Variants in BCAS3 observed in about 807,000 individuals in gnomAD.
The protein encoded by BCAS3 is BCAS4/BCAS3 fusion.
BCAS3 carries 53 observed loss-of-function variants against 116.1 expected under a neutral mutation model. That is an observed-to-expected ratio of 0.46 (90% CI 0.37 to 0.57). The LOEUF (loss-of-function observed/expected upper bound fraction) is 0.57. BCAS3 is among the 20% of genes least tolerant of loss of function. The pLI is 0.00. For synonymous variants in BCAS3, 391 were observed against 408.2 expected (o/e 0.96, Z 0.51); for missense variants, 917 against 1,165.4 (o/e 0.79, Z 3.10).
At chr17:61,201,494 A>G (rs941115089) in intron 22 of BCAS3, among the ~76,000 whole-genome samples, 1 of 152,190 alleles carries the variant, frequency 6.6e-6, no homozygotes, top group African/African-American at 2.4e-5. Context: ...AGTTTGAGTC[A>G]TGTTCATTTA....
At chr17:60,715,149 T>A (rs985407399) in intron 5 of BCAS3, among the ~76,000 whole-genome samples, 1 of 150,560 alleles carries the variant, frequency 6.6e-6, no homozygotes, top group Non-Finnish European at 1.5e-5. Context: ...TTTTTTTTTT[T>A]TTGAGACAGA....
chr17:60,976,748 G>A (rs893611885), intron 14 of BCAS3, among the ~76,000 whole-genome samples: 5 of 152,104 alleles, frequency 3.3e-5, no homozygotes, highest in Non-Finnish European at 7.4e-5. Context: ...GAGAGCACGG[G>A]GTTGGGGGTA....
At chr17:60,729,717 C>CT (rs2040270563) in intron 5 of BCAS3, among the ~76,000 whole-genome samples, 1 of 152,154 alleles carries the variant, frequency 6.6e-6, no homozygotes, top group African/African-American at 2.4e-5. Context: ...CAAATTCAGT[C>CT]TTTTAAAAGT....
intron 7 of BCAS3, chr17:60,810,564 C>T (rs1256355289): frequency 4.7e-6 from 4 of 859,080 alleles, no homozygotes; most frequent in South Asian, 2.6e-5. Context: ...TCAAGACCAT[C>T]GAGGACCTGA....
chr17:60,738,510 A>T (rs1654388610), intron 5 of BCAS3, among the ~76,000 whole-genome samples: 1 of 152,126 alleles, frequency 6.6e-6, no homozygotes, highest in Admixed American at 6.5e-5. Context: ...TGAAGTTAAT[A>T]CAGCTGTGGT....
At chr17:60,834,927 C>A (rs929363783) in intron 7 of BCAS3, among the ~76,000 whole-genome samples, 2 of 151,804 alleles carry the variant, frequency 1.3e-5, no homozygotes, top group African/African-American at 4.8e-5. Context: ...TCAAAAGTTC[C>A]TTATAATAGT....
chr17:61,288,454 C>G (rs1454382661), intron 22 of BCAS3, among the ~76,000 whole-genome samples: 2 of 152,210 alleles, frequency 1.3e-5, no homozygotes, highest in Admixed American at 6.5e-5. Context: ...CCAGAGCCAT[C>G]TCTGCTATAG....
chr17:61,107,740 T>G (rs1248471076), intron 22 of BCAS3, among the ~76,000 whole-genome samples: 1 of 152,202 alleles, frequency 6.6e-6, no homozygotes, highest in Non-Finnish European at 1.5e-5. Context: ...TGTCGCACAG[T>G]TTAGTTAACT....
chr17:61,370,932 A>G (rs1392636003), intron 23 of BCAS3, among the ~76,000 whole-genome samples: 2 of 152,342 alleles, frequency 1.3e-5, no homozygotes, highest in Non-Finnish European at 2.9e-5. Flanking sequence ...CTCTTTGCCT[A>G]TAGCAACATC....
At position 61,021,777 on chromosome 17, in the gene BCAS3, A is replaced by G. The variant is rs537028131; in HGVS notation, c.1637+5876A>G. Among the ~76,000 whole-genome samples, 1 of 152,364 alleles carries G rather than the reference A, an allele frequency of 6.6e-6. No homozygotes were observed. The highest frequency in any genetic ancestry group is 1.9e-4 in the East Asian group (1 of 5,186). On this transcript the variant is annotated intron_variant, in intron 16 of 23. Coordinates refer to ENST00000407086, the MANE Select transcript of BCAS3 (RefSeq NM_017679.5). This position sits in a 1 kb window ranked among gnomAD's most constrained non-coding sequence, Gnocchi z 4.6. ...TTGATATTTGTAGACCAAATCTACC[A>G]TCAGACTTGGCTATGTGAGTAAATG...
chr17:60,984,663 A>C (rs2063012622), intron 14 of BCAS3, among the ~76,000 whole-genome samples: 1 of 152,076 alleles, frequency 6.6e-6, no homozygotes, highest in African/African-American at 2.4e-5. Flanking sequence ...TATTTAAAAA[A>C]ATTTTTTGTG....
chr17:61,131,683 G>T lies in BCAS3; in HGVS notation c.2425+47119G>T, dbSNP rs2076351502. ...TGCACTTCTCTGTTTTTCTTTCCCT[G>T]AGAGTGCTGATTAGTGACTTGCGGT... On this transcript the variant is annotated intron_variant, in intron 22 of 23. Coordinates refer to ENST00000407086, the MANE Select transcript of BCAS3 (RefSeq NM_017679.5). The surrounding 1 kb of genome is among the most constrained non-coding windows in gnomAD (Gnocchi z 4.4). Among the ~76,000 whole-genome samples the T allele has an allele frequency of 6.6e-6, 1 of 152,138 alleles. No homozygotes were observed. Among genetic ancestry groups the T allele is most frequent in the East Asian group, 1.9e-4 (1 of 5,178 alleles).
At chr17:60,759,802 G>A (rs1444625233) in intron 6 of BCAS3, among the ~76,000 whole-genome samples, 1 of 151,962 alleles carries the variant, frequency 6.6e-6, no homozygotes, top group East Asian at 1.9e-4. Flanking sequence ...GTAGCTGGGA[G>A]TACAGGTGTG....
At chr17:61,287,913 G>A (rs1568760043) in intron 22 of BCAS3, among the ~76,000 whole-genome samples, 1 of 152,160 alleles carries the variant, frequency 6.6e-6, no homozygotes, top group Non-Finnish European at 1.5e-5. Flanking sequence ...GCATTGAAAA[G>A]GTACCATTAT....
At chr17:61,116,012 A>C (rs1051094867) in intron 22 of BCAS3, among the ~76,000 whole-genome samples, 63 of 147,282 alleles carry the variant, frequency 4.3e-4, no homozygotes, top group African/African-American at 1.6e-3. Flanking sequence ...AACACCGCAT[A>C]TTCTCACTCA....
rs2047775444 is a variant in BCAS3, at chr17:61,244,570, A to G, written c.2426-123757A>G. Reference sequence around the variant, plus strand: ...CTTTATTCAGTCTATATTTTTAAAAATTGGATATATAGGCCCGGCGCGGTG... The same window carrying G: ...CTTTATTCAGTCTATATTTTTAAAAGTTGGATATATAGGCCCGGCGCGGTG... On this transcript the variant is annotated intron_variant, in intron 22 of 23. Transcript: ENST00000407086. This position sits in a 1 kb window ranked among gnomAD's most constrained non-coding sequence, Gnocchi z 4.9. Among the ~76,000 whole-genome samples, 1 of 152,218 alleles carries G rather than the reference A, an allele frequency of 6.6e-6. No homozygotes were observed. Among genetic ancestry groups the G allele is most frequent in the South Asian group, 2.1e-4 (1 of 4,830 alleles).
At position 60,683,505 on chromosome 17, in the gene BCAS3, C is replaced by CT. The variant is rs138663451; in HGVS notation, c.84-438dup. Among the ~76,000 whole-genome samples the CT allele has an allele frequency of 5.6e-4, 25 of 44,480 alleles. 4 individuals carry two copies. Among genetic ancestry groups the CT allele is most frequent in the African/African-American group, 6.6e-4 (8 of 12,116 alleles). 29.2% of individuals were successfully genotyped at this position (44,480 alleles called of 152,430 possible). A position where few individuals can be genotyped will look rare whatever the true frequency, so the allele number is the denominator to read the frequency against. On this transcript the variant is annotated intron_variant, in intron 2 of 23. Coordinates refer to ENST00000407086, the MANE Select transcript of BCAS3 (RefSeq NM_017679.5). The stretch of plus-strand genomic sequence containing the variant: ...GAAATATCAGGTGATAAGAGTTAGC[C>CT]TTTTTTTTTTTTTTTTTTTTTTTTT...
intron 5 of BCAS3, chr17:60,709,535 A>T (rs1442903303): frequency 5.2e-6 from 2 of 383,514 alleles, no homozygotes; most frequent in Admixed American, 4.6e-5. Context: ...GATTACAGGC[A>T]TGTGTCACCA....
rs2057005359 is a variant in BCAS3, at chr17:60,889,711, A to G, written c.678A>G (p.Pro226=). Reference sequence around the variant, plus strand: ...ATTTTTCAGGCTGCTATCCATGTCCAGGGCCAAACATGAATCCTATTGCTC... The same window carrying G: ...ATTTTTCAGGCTGCTATCCATGTCCGGGGCCAAACATGAATCCTATTGCTC... ...KFFVTSCYPC[P]GPNMNPIALG... Residue 226 remains proline, a synonymous_variant, in exon 10 of 24, where the codon CCA becomes CCG. Transcript: ENST00000407086. 1 of 1,613,312 alleles carries G rather than the reference A, an allele frequency of 6.2e-7. No individual in the cohort carries two copies. The highest frequency in any genetic ancestry group is 2.2e-5 in the East Asian group (1 of 44,870).
Sources: gnomAD v4.1 joint callset for allele counts (sites outside exome capture counted in the v4.1 genomes callset) on GRCh38, gnomAD v4.1.1 for gene constraint, Gnocchi (gnomAD v3.1) non-coding constraint, MANE v1.5 for transcripts, NCBI Gene and HGNC (gene_info 2026-07-23, HGNC 2026-07-21) for gene names.